The following BTBD7 variants were observed in gnomAD, a reference collection of about 807,000 sequenced individuals.
BTBD7 encodes the protein BTB/POZ domain-containing protein 7.
A neutral mutation model predicts 99.9 loss-of-function variants in BTBD7; 38 were observed. The observed-to-expected ratio is 0.38, with a 90% CI of 0.29 to 0.50. BTBD7 has a LOEUF of 0.50. BTBD7 is among the 20% of genes least tolerant of loss of function. The pLI is 0.93. For synonymous variants in BTBD7, 520 were observed against 511.4 expected, an observed-to-expected ratio of 1.02 and a Z score of -0.23; for missense variants, 1,170 against 1,394.6, an observed-to-expected ratio of 0.84 and a Z score of 2.57.
At chr14:93,289,762 G>A (rs748021043) in intron 3 of BTBD7, among the ~76,000 whole-genome samples, 3 of 151,014 alleles carry the variant, frequency 2.0e-5, no homozygotes, top group African/African-American at 4.9e-5. Flanking sequence ...AGTTGAGGCC[G>A]TTATCTACTT....
At chr14:93,280,016 T>C (rs2052701159) in intron 3 of BTBD7, among the ~76,000 whole-genome samples, 1 of 152,244 alleles carries the variant, frequency 6.6e-6, no homozygotes, top group Non-Finnish European at 1.5e-5. Context: ...ACTGTATCCA[T>C]CTACTTTTAT....
chr14:93,296,630 A>C (rs2052929959), intron 1 of BTBD7, among the ~76,000 whole-genome samples: 1 of 152,236 alleles, frequency 6.6e-6, no homozygotes, highest in African/African-American at 2.4e-5. Flanking sequence ...GTTGCTAAAA[A>C]TCAATCTTTA....
intron 10 of BTBD7, among the ~76,000 whole-genome samples, chr14:93,243,298 A>G (rs1299841598): frequency 1.3e-5 from 2 of 151,394 alleles, no homozygotes; most frequent in African/African-American, 4.9e-5. Flanking sequence ...GGTTCAAGTG[A>G]TTCTCCTGCC....
chr14:93,247,470 C>T (rs1013682443), intron 9 of BTBD7, among the ~76,000 whole-genome samples: 13 of 152,198 alleles, frequency 8.5e-5, no homozygotes, highest in African/African-American at 3.1e-4. Context: ...GCCTCAGCCT[C>T]CCGAGGCTGG....
intron 3 of BTBD7, among the ~76,000 whole-genome samples, chr14:93,269,424 T>C (rs1054318688): frequency 2.0e-5 from 3 of 152,266 alleles, no homozygotes; most frequent in Non-Finnish European, 4.4e-5. Flanking sequence ...ACAAGTCCTG[T>C]AGGTACGAAA....
At chr14:93,291,934 C>G (rs2052861239) in intron 3 of BTBD7, among the ~76,000 whole-genome samples, 1 of 152,170 alleles carries the variant, frequency 6.6e-6, no homozygotes, top group South Asian at 2.1e-4. Context: ...TGCCTGTAAT[C>G]CCAGCACCTT....
chr14:93,243,574 T>C (rs1013511216), intron 10 of BTBD7, among the ~76,000 whole-genome samples: 2 of 152,236 alleles, frequency 1.3e-5, no homozygotes, highest in East Asian at 1.9e-4. Flanking sequence ...ATACCACTGT[T>C]AGCATTTTGA....
chr14:93,257,235 T>C lies in BTBD7; in HGVS notation c.1568A>G (p.Glu523Gly). The change falls in exon 6 of 11, where the codon GAA becomes GGA. Residue 523 changes from glutamate (E) to glycine (G), a missense_variant. Around this residue, in one of 4 missense-constraint regions of BTBD7, gnomAD observed 309 missense variants for 342.0 expected, o/e 0.90. Coordinates refer to ENST00000334746, the MANE Select transcript of BTBD7 (RefSeq NM_001002860.4). ...LSSLLPFVRI[E>G]HILPINSEVL... ...TTCACTGTTTATAGGTAAGATGTGTTCAATTCGCACAAAAGGTAAGAGAGA... is the reference window on the plus strand; with the variant it reads ...TTCACTGTTTATAGGTAAGATGTGTCCAATTCGCACAAAAGGTAAGAGAGA... The C allele has an allele frequency of 4.3e-6, 7 of 1,614,154 alleles. No individual in the cohort carries two copies. The highest frequency in any genetic ancestry group is 5.9e-6 in the Non-Finnish European group (7 of 1,179,994).
rs947971599 is a variant in BTBD7, at chr14:93,241,090, G to A, written c.*1183C>T. 1 of 151,594 alleles carries A rather than the reference G, an allele frequency of 6.6e-6. No individual in the cohort carries two copies. The highest frequency in any genetic ancestry group is 2.4e-5 in the African/African-American group (1 of 41,206). The allele number at this position is 151,594 out of a possible 1,614,324, so 9.4% of individuals were successfully genotyped here. On this transcript the variant is annotated 3_prime_UTR_variant, in exon 11 of 11. Coordinates refer to ENST00000334746, the MANE Select transcript of BTBD7 (RefSeq NM_001002860.4). ...CCGCCATCACAGCTGGAGAGTTGAC[G>A]CTCAGAACCAGAAATTCTGTCAGTG... is the stretch of plus-strand genomic sequence containing the variant.
chr14:93,252,431 T>C (rs1017733082), intron 7 of BTBD7, among the ~76,000 whole-genome samples: 6 of 151,876 alleles, frequency 4.0e-5, no homozygotes, highest in Non-Finnish European at 8.8e-5. Context: ...TCATGGCTCA[T>C]TGCAGTCTTG....
intron 10 of BTBD7, among the ~76,000 whole-genome samples, chr14:93,244,509 C>A (rs756278323): frequency 6.6e-6 from 1 of 152,000 alleles, no homozygotes; most frequent in Non-Finnish European, 1.5e-5. Flanking sequence ...ATTAGCCGGG[C>A]GTGGTGGTGC....
At position 93,296,010 on chromosome 14, in the gene BTBD7, C is replaced by G; in HGVS notation, c.42G>C (p.Pro14=). The change falls in exon 2 of 11, where the codon CCG becomes CCC. Residue 14 remains proline (P), a synonymous_variant. Coordinates refer to ENST00000334746, the MANE Select transcript of BTBD7 (RefSeq NM_001002860.4). ...GGGCCTGTGAATTTCCCCCTACCCT[C>G]GGGGAACATGAATGAGGATAATTAG... is the stretch of plus-strand genomic sequence containing the variant. ...NASNYPHSCS[P]RVGGNSQAQQ... 6.2e-7 allele frequency: 1 copy of G among 1,614,038 alleles called. No homozygotes were observed. Among genetic ancestry groups the G allele is most frequent in the South Asian group, 1.1e-5 (1 of 91,072 alleles).
intron 3 of BTBD7, among the ~76,000 whole-genome samples, chr14:93,283,635 T>C (rs1395348511): frequency 6.6e-6 from 1 of 152,246 alleles, no homozygotes; most frequent in African/African-American, 2.4e-5. Context: ...CACTGTAATC[T>C]CCGCCTCCCT....
intron 1 of BTBD7, among the ~76,000 whole-genome samples, chr14:93,325,346 G>T (rs181528780): frequency 9.3e-4 from 142 of 152,118 alleles, no homozygotes; most frequent in Non-Finnish European, 1.8e-3. Flanking sequence ...CTGACCTCAG[G>T]TGATCTGCCG....
Position 93,332,970 on chromosome 14 carries a change from C to T in BTBD7, c.-257G>A, listed in dbSNP as rs747708732. 33 of 642,354 alleles carry T rather than the reference C, an allele frequency of 5.1e-5. No individual in the cohort carries two copies. Among genetic ancestry groups the T allele is most frequent in the Non-Finnish European group, 7.4e-5 (30 of 407,216 alleles). The allele number at this position is 642,354 out of a possible 1,614,324, so 39.8% of individuals were successfully genotyped here. A position where few individuals can be genotyped will look rare whatever the true frequency, so the allele number is the denominator to read the frequency against. The stretch of plus-strand genomic sequence containing the variant: ...CCGCCGCCGCCCTCTCCTCTCCTGT[C>T]AGTGGCTCAGGCTCCGGGACTGCTC... On this transcript the variant is annotated 5_prime_UTR_variant, in exon 1 of 11. Transcript: ENST00000334746.
chr14:93,318,650 A>C (rs183496628), intron 1 of BTBD7, among the ~76,000 whole-genome samples: 205 of 152,354 alleles, frequency 1.3e-3, no homozygotes, highest in African/African-American at 4.5e-3. Flanking sequence ...ATAAAAACAC[A>C]AATCAGACTG....
Position 93,245,928 on chromosome 14 carries a change from C to A in BTBD7, c.2480G>T (p.Cys827Phe), listed in dbSNP as rs368369249. ...LPSVKAAPPD[C>F]TSTAGLGRQT... ...TCTGCCCAGTCCTGCAGTGCTGGTA[C>A]AATCAGGCGGTGCAGCTTTCACACT... Residue 827 changes from cysteine (C) to phenylalanine (F), a missense_variant, in exon 10 of 11, where the codon TGT becomes TTT. This residue lies in a region of BTBD7 where 495 missense variants were observed against 525.9 expected (regional missense o/e 0.94). Transcript: ENST00000334746. The A allele has an allele frequency of 2.5e-6, 4 of 1,614,142 alleles. No individual in the cohort carries two copies. Among genetic ancestry groups the A allele is most frequent in the Non-Finnish European group, 3.4e-6 (4 of 1,180,026 alleles).
chr14:93,305,454 A>G (rs1457240512), intron 1 of BTBD7, among the ~76,000 whole-genome samples: 1 of 152,244 alleles, frequency 6.6e-6, no homozygotes, highest in Non-Finnish European at 1.5e-5. Flanking sequence ...TCTCTGTAAG[A>G]GACATCAACA....
Position 93,294,937 on chromosome 14 carries a change from C to A in BTBD7, c.83G>T (p.Gly28Val). The A allele has an allele frequency of 6.6e-7, 1 of 1,526,702 alleles. No individual in the cohort carries two copies. Among genetic ancestry groups the A allele is most frequent in the Non-Finnish European group, 8.8e-7 (1 of 1,140,862 alleles). The allele number at this position is 1,526,702 out of a possible 1,614,324, so 94.6% of individuals were successfully genotyped here. A position where few individuals can be genotyped will look rare whatever the true frequency, so the allele number is the denominator to read the frequency against. The change falls in exon 3 of 11, where the codon GGG (glycine) becomes GTG (valine). Residue 28 changes from glycine to valine, a missense_variant and splice_region_variant. This residue lies in a region of BTBD7 where 359 missense variants were observed against 497.9 expected (regional missense o/e 0.72). Transcript: ENST00000334746. ...GNSQAQQTFI[G>V]TSSYSQQGYG... is the part of the protein sequence containing the mutation. The stretch of plus-strand genomic sequence containing the variant: ...GCCTTGCTGAGAATAGGATGAGGTC[C>A]CTAAGAAAAAAATTAAACAAATGAA...
Sources: gnomAD v4.1 joint callset for allele counts (sites outside exome capture counted in the v4.1 genomes callset) on GRCh38, gnomAD v4.1.1 for gene constraint, gnomAD v4.1.1 regional missense constraint, MANE v1.5 for transcripts, NCBI Gene and HGNC (gene_info 2026-07-23, HGNC 2026-07-21) for gene names.